The following DOCK4 variants were observed in gnomAD, a reference collection of about 807,000 sequenced individuals.
DOCK4 encodes dedicator of cytokinesis protein 4.
A neutral mutation model predicts 268.1 loss-of-function variants in DOCK4; 97 were observed. That is an observed-to-expected ratio of 0.36 (90% CI 0.31 to 0.43). The LOEUF is 0.43. Among genes scored for constraint, DOCK4 ranks in the 20% least tolerant of loss-of-function variants. The pLI, the probability that DOCK4 is intolerant of heterozygous loss-of-function variation, is 1.00. For synonymous variants in DOCK4, 954 were observed against 887.2 expected (o/e 1.08, Z -1.34); for missense variants, 2,145 against 2,455.7 (o/e 0.87, Z 2.67).
Position 112,066,712 on chromosome 7 carries a change from T to C in DOCK4, c.38-62581A>G, listed in dbSNP as rs1254673289. The stretch of plus-strand genomic sequence containing the variant: ...ATACATATATATATATATATATATA[T>C]ATATATATATATATATATATATATA... On this transcript the variant is annotated intron_variant, in intron 1 of 52. Coordinates refer to ENST00000428084, the MANE Select transcript of DOCK4 (RefSeq NM_001363540.2). Among the ~76,000 whole-genome samples, 8 of 87,732 alleles carry C rather than the reference T, an allele frequency of 9.1e-5. No homozygotes were observed. The South Asian group carries it at 1.4e-3, about 16-fold the overall frequency. The allele number at this position is 87,732 out of a possible 152,430, so 57.6% of individuals were successfully genotyped here.
intron 37 of DOCK4, among the ~76,000 whole-genome samples, chr7:111,769,087 T>G (rs976809393): frequency 1.3e-5 from 2 of 152,324 alleles, no homozygotes; most frequent in Non-Finnish European, 2.9e-5. Flanking sequence ...GCCTTGATCT[T>G]GAACTTCTCA....
At chr7:112,163,645 G>A (rs2523016) in intron 1 of DOCK4, among the ~76,000 whole-genome samples, 19,333 of 152,036 alleles carry the variant, frequency 0.13, 2,435 homozygotes, top group African/African-American at 0.33. Flanking sequence ...TCTTCTCAGC[G>A]ATTTACAAAT....
At chr7:111,803,514 G>C (rs926228008) in intron 30 of DOCK4, among the ~76,000 whole-genome samples, 2 of 152,086 alleles carry the variant, frequency 1.3e-5, no homozygotes, top group Non-Finnish European at 2.9e-5. Flanking sequence ...GGGAAGTATT[G>C]ATTTTTTTTT....
intron 12 of DOCK4, among the ~76,000 whole-genome samples, chr7:111,926,668 T>G (rs1026699603): frequency 1.3e-5 from 2 of 149,406 alleles, no homozygotes; most frequent in African/African-American, 4.9e-5. Context: ...TAAAATACAA[T>G]AAATAAATAA....
chr7:112,145,657 C>T (rs566857660), intron 1 of DOCK4, among the ~76,000 whole-genome samples: 5 of 152,106 alleles, frequency 3.3e-5, no homozygotes, highest in African/African-American at 9.7e-5. Flanking sequence ...CTTTAACGCA[C>T]ACCAAATTTC....
At chr7:112,137,086 C>A (rs1447835111) in intron 1 of DOCK4, among the ~76,000 whole-genome samples, 1 of 152,032 alleles carries the variant, frequency 6.6e-6, no homozygotes, top group Non-Finnish European at 1.5e-5. Flanking sequence ...GAGAAGACAG[C>A]AAGAAAGAAA....
At chr7:112,145,154 T>C (rs1000082655) in intron 1 of DOCK4, among the ~76,000 whole-genome samples, 12 of 151,840 alleles carry the variant, frequency 7.9e-5, no homozygotes, top group African/African-American at 2.2e-4. Context: ...GCTAGAGAGG[T>C]TAGCAAGCAT....
intron 43 of DOCK4, 49 bp downstream of exon 43, chr7:111,747,218 G>C (rs60607828): frequency 0.02 from 31,260 of 1,563,186 alleles, 588 homozygotes; most frequent in African/African-American, 0.069. Flanking sequence ...GAAACCCTAA[G>C]AAGTCACAAT....
intron 1 of DOCK4, among the ~76,000 whole-genome samples, chr7:112,074,024 C>T (rs931856611): frequency 2.0e-5 from 3 of 152,108 alleles, no homozygotes; most frequent in Admixed American, 2.0e-4. Context: ...ACAATGATTA[C>T]ATGTCCAGTA....
At chr7:112,165,373 T>C (rs1032950238) in intron 1 of DOCK4, among the ~76,000 whole-genome samples, 15 of 152,094 alleles carry the variant, frequency 9.9e-5, no homozygotes, top group African/African-American at 3.1e-4. Flanking sequence ...TCTACGTCCA[T>C]GTGATCAGAT....
chr7:111,940,081 C>T, intron 11 of DOCK4, 29 bp downstream of exon 11: 1 of 1,613,336 alleles, frequency 6.2e-7, no homozygotes, highest in Non-Finnish European at 8.5e-7. Context: ...TGTGCCTACC[C>T]CAGCCATCAC....
At chr7:112,101,671 C>G (rs1317116507) in intron 1 of DOCK4, among the ~76,000 whole-genome samples, 1 of 152,162 alleles carries the variant, frequency 6.6e-6, no homozygotes, top group Non-Finnish European at 1.5e-5. Context: ...CTCTCTCAAG[C>G]TGGCACATAG....
chr7:111,887,870 T>A, intron 16 of DOCK4, among the ~76,000 whole-genome samples: 1 of 145,934 alleles, frequency 6.9e-6, no homozygotes, highest in African/African-American at 2.6e-5. Flanking sequence ...CCCAGAAGAG[T>A]CAGGAGGGAG....
At chr7:111,936,905 G>A (rs556787348) in intron 11 of DOCK4, among the ~76,000 whole-genome samples, 14 of 152,238 alleles carry the variant, frequency 9.2e-5, no homozygotes, top group South Asian at 6.2e-4. Context: ...AATGAGCGCC[G>A]AATCTTAAGA....
At position 112,018,143 on chromosome 7, in the gene DOCK4, C is replaced by CAAAAAA. The variant is rs140883588; in HGVS notation, c.38-14018_38-14013dup. Among the ~76,000 whole-genome samples the CAAAAAA allele has an allele frequency of 1.6e-3, 33 of 20,636 alleles. 12 individuals carry two copies. Among genetic ancestry groups the CAAAAAA allele is most frequent in the South Asian group, 3.3e-3 (1 of 302 alleles). The allele number at this position is 20,636 out of a possible 152,430, so 13.5% of individuals were successfully genotyped here. On this transcript the variant is annotated intron_variant, in intron 1 of 52. Coordinates refer to ENST00000428084, the MANE Select transcript of DOCK4 (RefSeq NM_001363540.2). Reference sequence around the variant, plus strand: ...TGGGCAACACAGCAAGACTCCAGCTCAAAAAAAAAAAAAAAAAAAAAAAAA... The same window carrying CAAAAAA: ...TGGGCAACACAGCAAGACTCCAGCTCAAAAAAAAAAAAAAAAAAAAAAAAAAAAAAA...
chr7:111,733,725 T>C (rs186269548), intron 51 of DOCK4, among the ~76,000 whole-genome samples: 97 of 152,280 alleles, frequency 6.4e-4, no homozygotes, highest in Non-Finnish European at 1.0e-3. Context: ...CAGGTTTAAA[T>C]TGGAGACTGC....
At position 111,945,625 on chromosome 7, in the gene DOCK4, C is replaced by T. The variant is rs1219303646; in HGVS notation, c.783+92G>A. The stretch of plus-strand genomic sequence containing the variant: ...TTTACATAAAGTTTAAAAGCAAATT[C>T]ACTATGTTCTCTCACAGTAATTTAT... On this transcript the variant is annotated intron_variant, in intron 9 of 52. Transcript: ENST00000428084. 7 of 1,111,760 alleles carry T rather than the reference C, an allele frequency of 6.3e-6. No individual in the cohort carries two copies. In the Admixed American group the frequency reaches 1.6e-4, roughly 25 times the overall value. 68.9% of individuals were successfully genotyped at this position (1,111,760 alleles called of 1,614,324 possible).
intron 27 of DOCK4, among the ~76,000 whole-genome samples, chr7:111,814,508 C>CT (rs1801394192): frequency 6.6e-6 from 1 of 152,138 alleles, no homozygotes; most frequent in Non-Finnish European, 1.5e-5. Context: ...GCTTCTCAAA[C>CT]TTTAACAGGT....
intron 1 of DOCK4, among the ~76,000 whole-genome samples, chr7:112,013,087 C>G (rs946606015): frequency 6.6e-6 from 1 of 152,216 alleles, no homozygotes; most frequent in Non-Finnish European, 1.5e-5. Context: ...GCAGCCTCTT[C>G]TATAACGTTC....
Sources: gnomAD v4.1 joint callset for allele counts (sites outside exome capture counted in the v4.1 genomes callset) on GRCh38, gnomAD v4.1.1 for gene constraint, MANE v1.5 for transcripts, NCBI Gene and HGNC (gene_info 2026-07-23, HGNC 2026-07-21) for gene names.